The following CCDC180 variants were observed in gnomAD, a reference collection of about 807,000 sequenced individuals.
CCDC180 encodes the protein coiled-coil domain containing 180, also known as coiled-coil domain-containing protein 180.
A neutral mutation model predicts 209.2 loss-of-function variants in CCDC180; 154 were observed. The ratio of observed to expected loss-of-function variants is 0.74; its 90% CI spans 0.65 to 0.84. The LOEUF is 0.84. Ranked by LOEUF, CCDC180 falls within the 40% of genes least tolerant of loss-of-function variation. The pLI is 0.00. For missense variants in CCDC180, 1,874 were observed against 1,997.3 expected, an observed-to-expected ratio of 0.94 and a Z score of 1.18; for synonymous variants, 778 against 749.1, an observed-to-expected ratio of 1.04 and a Z score of -0.63.
intron 18 of CCDC180, 105 bp from the exon 19 acceptor site, chr9:97,343,235 G>T (rs1268035503): frequency 8.9e-6 from 6 of 677,338 alleles, no homozygotes; most frequent in Non-Finnish European, 1.2e-5. Context: ...CCATAATCTT[G>T]GCCCAAAATT....
chr9:97,324,959 CTCT>C (rs1050136199), intron 13 of CCDC180, 57 bp from the exon 14 acceptor site: 4 of 1,526,276 alleles, frequency 2.6e-6, no homozygotes, highest in African/African-American at 2.7e-5. Context: ...CAGGTGGGCC[CTCT>C]TCTTGGCCCT....
At position 97,336,349 on chromosome 9, in the gene CCDC180, A is replaced by T. The variant is rs533860162; in HGVS notation, c.2274+5582A>T. On this transcript the variant is annotated intron_variant, in intron 18 of 36. Transcript: ENST00000529487. ...TGAATTAATTTTTGTGTAAGGTGTA[A>T]GGAAGGGATCCAGTTTCAGCTTTCT... 1.4e-3 allele frequency among the ~76,000 whole-genome samples: 207 copies of T among 152,282 alleles called. 2 individuals are homozygous for T. Among genetic ancestry groups the T allele is most frequent in the East Asian group, 8.9e-3 (46 of 5,180 alleles).
intron 24 of CCDC180, among the ~76,000 whole-genome samples, chr9:97,356,107 G>A (rs938537592): frequency 6.6e-6 from 1 of 152,154 alleles, no homozygotes; most frequent in African/African-American, 2.4e-5. Context: ...CATGGCCTGG[G>A]CACAATGTCA....
At chr9:97,333,126 T>C (rs1825798299) in intron 18 of CCDC180, among the ~76,000 whole-genome samples, 1 of 152,200 alleles carries the variant, frequency 6.6e-6, no homozygotes, top group African/African-American at 2.4e-5. Flanking sequence ...GAGATAATCA[T>C]GTGGTTTTTG....
At chr9:97,332,710 T>C (rs772239751) in intron 18 of CCDC180, among the ~76,000 whole-genome samples, 11 of 152,214 alleles carry the variant, frequency 7.2e-5, no homozygotes, top group Admixed American at 2.0e-4. Flanking sequence ...TACTGATTTT[T>C]GTATGTTGCT....
chr9:97,312,032 C>A (rs1257784593), intron 3 of CCDC180, 81 bp from the exon 4 acceptor site: 17 of 1,205,536 alleles, frequency 1.4e-5, no homozygotes, highest in East Asian at 2.3e-5. Context: ...TGGAGAACCA[C>A]CCCTTGGTGC....
At chr9:97,313,399 G>GAGCCATGACACACCCACCTT in intron 5 of CCDC180, 54 bp downstream of exon 5, 1 of 1,317,752 alleles carries the variant, frequency 7.6e-7, no homozygotes. Flanking sequence ...CCAAAGGTGG[G>GAGCCATGACACACCCACCTT]TGTGTCATGG....
At chr9:97,374,819 T>C (rs1827200060) in intron 35 of CCDC180, among the ~76,000 whole-genome samples, 171 bp downstream of exon 35, 1 of 152,186 alleles carries the variant, frequency 6.6e-6, no homozygotes, top group Non-Finnish European at 1.5e-5. Flanking sequence ...TACCTTGATA[T>C]TATCAAGAGA....
At chr9:97,358,283 G>C (rs1439827978) in intron 25 of CCDC180, among the ~76,000 whole-genome samples, 1 of 152,010 alleles carries the variant, frequency 6.6e-6, no homozygotes, top group Non-Finnish European at 1.5e-5. Flanking sequence ...ACCATACCCG[G>C]CTAATTTTTG....
intron 2 of CCDC180, 52 bp from the exon 3 acceptor site, chr9:97,309,361 AG>A (rs1191935096): frequency 4.6e-6 from 7 of 1,535,204 alleles, no homozygotes; most frequent in Non-Finnish European, 6.2e-6. Context: ...TGAGAGTGCT[AG>A]GAAGTCAGCA....
chr9:97,320,639 G>A lies in CCDC180; in HGVS notation c.1159+434G>A, dbSNP rs149497008. Among the ~76,000 whole-genome samples, 934 of 152,268 alleles carry A rather than the reference G, an allele frequency of 6.1e-3. 6 individuals carry two copies. Among genetic ancestry groups the A allele is most frequent in the Non-Finnish European group, 8.4e-3 (569 of 68,018 alleles). On this transcript the variant is annotated intron_variant, in intron 11 of 36. Transcript: ENST00000529487. ...TAGGGATGGCAAGAGGAGTAATAAT[G>A]GTCCCTACTTGTGGGGTGGATGTCC...
In CCDC180 at chr9:97,317,147, A is replaced by C; in HGVS notation, c.878A>C (p.Glu293Ala). The C allele has an allele frequency of 6.2e-7, 1 of 1,613,346 alleles. No homozygotes were observed. Among genetic ancestry groups the C allele is most frequent in the Non-Finnish European group, 8.5e-7 (1 of 1,179,820 alleles). The change falls in exon 9 of 37, where the codon GAG becomes GCG. Residue 293 changes from glutamate to alanine, a missense_variant. By Grantham distance (107) the Glu-to-Ala change is moderately radical (BLOSUM62 -1). Coordinates refer to ENST00000529487, the MANE Select transcript of CCDC180 (RefSeq NM_020893.6). Reference sequence around the variant, plus strand: ...CTGATGGAGTCCACCCTGCAGCAGGAGCTGGACAGCCGCCACCGCTGGCAA... The same window carrying C: ...CTGATGGAGTCCACCCTGCAGCAGGCGCTGGACAGCCGCCACCGCTGGCAA... ...VNLMESTLQQ[E>A]LDSRHRWQGL...
chr9:97,358,371 A>G (rs1826649362), intron 25 of CCDC180, among the ~76,000 whole-genome samples: 1 of 152,040 alleles, frequency 6.6e-6, no homozygotes, highest in African/African-American at 2.4e-5. Flanking sequence ...ACCCGCCCAC[A>G]TCAGCCTCCC....
intron 4 of CCDC180, 22 bp from the exon 5 acceptor site, chr9:97,313,214 C>T (rs1485873129): frequency 6.5e-7 from 1 of 1,539,606 alleles, no homozygotes; most frequent in East Asian, 2.3e-5. Flanking sequence ...GCAGCCTCAT[C>T]ACCTCTGTTG....
At chr9:97,344,986 C>T (rs1826204498) in intron 19 of CCDC180, among the ~76,000 whole-genome samples, 1 of 152,172 alleles carries the variant, frequency 6.6e-6, no homozygotes, top group South Asian at 2.1e-4. Context: ...ACAGAACTCA[C>T]TCTTTTATTA....
At position 97,307,746 on chromosome 9, in the gene CCDC180, G is replaced by A. The variant is rs796074467; in HGVS notation, c.-142G>A. 5 of 1,614,200 alleles carry A rather than the reference G, an allele frequency of 3.1e-6. No individual in the cohort carries two copies. The African/African-American group carries it at 6.7e-5, about 22-fold the overall frequency. On this transcript the variant is annotated 5_prime_UTR_variant, in exon 1 of 37. Coordinates refer to ENST00000529487, the MANE Select transcript of CCDC180 (RefSeq NM_020893.6). ...TATTCGCGTTCCCAGAGTCCCTTCG[G>A]ATTTGCGCCATGCGCGGCGGGGAGA...
chr9:97,333,315 G>A (rs1825802519), intron 18 of CCDC180, among the ~76,000 whole-genome samples: 2 of 152,088 alleles, frequency 1.3e-5, no homozygotes. Context: ...CAAGGATATT[G>A]GCCTGAAATT....
intron 27 of CCDC180, 106 bp from the exon 28 acceptor site, chr9:97,362,090 C>G: frequency 6.8e-7 from 1 of 1,476,250 alleles, no homozygotes; most frequent in Non-Finnish European, 9.2e-7. Context: ...CGTGACAGGA[C>G]TGACTGACGT....
intron 5 of CCDC180, 59 bp from the exon 6 acceptor site, chr9:97,314,334 G>A: frequency 6.2e-7 from 1 of 1,603,102 alleles, no homozygotes. Context: ...TGACAGGGAA[G>A]GCTCCCTCCT....
Sources: gnomAD v4.1 joint callset for allele counts (sites outside exome capture counted in the v4.1 genomes callset) on GRCh38, gnomAD v4.1.1 for gene constraint, MANE v1.5 for transcripts, NCBI Gene and HGNC (gene_info 2026-07-23, HGNC 2026-07-21) for gene names.